Variants in WDR72 observed in about 807,000 individuals in gnomAD.
WDR72 encodes WD repeat-containing protein 72.
In WDR72, 120 loss-of-function variants were observed where a neutral mutation model predicts 124.2. The ratio of observed to expected loss-of-function variants is 0.97; its 90% CI spans 0.83 to 1.12. The LOEUF is 1.12. Ranked by LOEUF, WDR72 falls within the 50% of genes most tolerant of loss-of-function variation. The pLI, the probability that WDR72 is intolerant of heterozygous loss-of-function variation, is 0.00. For missense variants in WDR72, 1,387 were observed against 1,278.8 expected (o/e 1.08, Z -1.29); for synonymous variants, 452 against 441.7 (o/e 1.02, Z -0.29).
intron 19 of WDR72, among the ~76,000 whole-genome samples, chr15:53,522,625 TTC>T (rs1290877877): frequency 1.1e-4 from 17 of 152,196 alleles, no homozygotes; most frequent in African/African-American, 3.6e-4. Context: ...TCTAGTACAT[TTC>T]TCTTTTATTT....
intron 18 of WDR72, among the ~76,000 whole-genome samples, chr15:53,548,484 G>C (rs1476226805): frequency 6.6e-6 from 1 of 152,168 alleles, no homozygotes; most frequent in Non-Finnish European, 1.5e-5. Context: ...TGAGAAGAGA[G>C]AGTTAGTTGC....
At position 53,514,089 on chromosome 15, in the gene WDR72, T is replaced by A. The variant is rs769065653; in HGVS notation, c.*3610A>T. 1 of 152,222 alleles carries A rather than the reference T, an allele frequency of 6.6e-6. No individual in the cohort carries two copies. The highest frequency in any genetic ancestry group is 2.4e-5 in the African/African-American group (1 of 41,462). 9.4% of individuals were successfully genotyped at this position (152,222 alleles called of 1,614,324 possible). On this transcript the variant is annotated 3_prime_UTR_variant, in exon 20 of 20. Coordinates refer to ENST00000360509, the MANE Select transcript of WDR72 (RefSeq NM_182758.4). The stretch of plus-strand genomic sequence containing the variant: ...GCAGCTTTGTCTGAAAGATACCTAC[T>A]CAAGTAAGTTTTAATTTTGCAACTC...
intron 18 of WDR72, among the ~76,000 whole-genome samples, chr15:53,573,043 A>G (rs1894608869): frequency 6.6e-6 from 1 of 152,202 alleles, no homozygotes; most frequent in Admixed American, 6.5e-5. Flanking sequence ...TTCAGTCACA[A>G]GACTTCATTT....
intron 13 of WDR72, among the ~76,000 whole-genome samples, chr15:53,687,595 A>G (rs1372057971): frequency 1.3e-5 from 2 of 148,180 alleles, no homozygotes; most frequent in African/African-American, 5.0e-5. Flanking sequence ...AAAAGAGTCC[A>G]GGACCAGATG....
chr15:53,688,484 T>C (rs2140497551), intron 13 of WDR72, among the ~76,000 whole-genome samples: 1 of 151,696 alleles, frequency 6.6e-6, no homozygotes, highest in African/African-American at 2.4e-5. Flanking sequence ...GAGAATAAAA[T>C]ACCTAGGAAT....
chr15:53,723,518 A>G (rs1224793714), intron 2 of WDR72, among the ~76,000 whole-genome samples: 3 of 152,232 alleles, frequency 2.0e-5, no homozygotes, highest in Admixed American at 6.5e-5. Flanking sequence ...CATTATTCAC[A>G]GCAGCCAAAA....
intron 1 of WDR72, among the ~76,000 whole-genome samples, chr15:53,747,386 C>T (rs1297854036): frequency 2.6e-5 from 4 of 152,124 alleles, no homozygotes; most frequent in African/African-American, 7.2e-5. Flanking sequence ...CCAAGCTCCT[C>T]CAAAAATGTT....
intron 11 of WDR72, among the ~76,000 whole-genome samples, chr15:53,704,627 G>C (rs1015075981): frequency 1.3e-5 from 2 of 150,212 alleles, no homozygotes; most frequent in African/African-American, 4.9e-5. Context: ...CCAGGTTCAC[G>C]CCATTCTCCT....
At chr15:53,758,185 G>A (rs1028119197) in intron 1 of WDR72, among the ~76,000 whole-genome samples, 2 of 151,998 alleles carry the variant, frequency 1.3e-5, no homozygotes, top group Non-Finnish European at 2.9e-5. Flanking sequence ...GATTTTTGTA[G>A]AGATGAAGTT....
At chr15:53,675,476 A>G (rs2016138188) in intron 13 of WDR72, among the ~76,000 whole-genome samples, 1 of 152,240 alleles carries the variant, frequency 6.6e-6, no homozygotes, top group African/African-American at 2.4e-5. Flanking sequence ...TAAAGAATAC[A>G]TTTAATTAAT....
intron 18 of WDR72, among the ~76,000 whole-genome samples, chr15:53,576,379 C>T (rs1184003433): frequency 6.6e-6 from 1 of 152,064 alleles, no homozygotes; most frequent in African/African-American, 2.4e-5. Flanking sequence ...TAAGGATGTT[C>T]AGAAAAGAGA....
chr15:53,575,671 T>C (rs1045102183), intron 18 of WDR72, among the ~76,000 whole-genome samples: 1 of 152,156 alleles, frequency 6.6e-6, no homozygotes, highest in South Asian at 2.1e-4. Flanking sequence ...TGCATAGTTA[T>C]TAGAAAGATT....
intron 13 of WDR72, among the ~76,000 whole-genome samples, chr15:53,695,893 C>T (rs1199748726): frequency 6.6e-6 from 1 of 152,140 alleles, no homozygotes; most frequent in Non-Finnish European, 1.5e-5. Context: ...ACGCAAGAGG[C>T]CTCGCAAACT....
chr15:53,710,870 A>G lies in WDR72; in HGVS notation c.941T>C (p.Val314Ala), dbSNP rs201196697. The change falls in exon 9 of 20, where the codon GTG becomes GCG. Residue 314 changes from valine (V) to alanine (A), a missense_variant. Transcript: ENST00000360509. The part of the protein sequence containing the change: ...IYPHLLCSTS[V>A]QENKEQSRPF... Reference sequence around the variant, plus strand: ...TTCTTGCATTACCTTATTTTCCTGCACAGAAGTAGAGCACAGTAAATGAGG... The same window carrying G: ...TTCTTGCATTACCTTATTTTCCTGCGCAGAAGTAGAGCACAGTAAATGAGG... 4 of 1,612,952 alleles carry G rather than the reference A, an allele frequency of 2.5e-6. No individual in the cohort carries two copies. In the Admixed American group the frequency reaches 6.7e-5, roughly 27 times the overall value.
At chr15:53,703,878 G>T (rs558081034) in intron 11 of WDR72, among the ~76,000 whole-genome samples, 3 of 152,276 alleles carry the variant, frequency 2.0e-5, no homozygotes, top group Admixed American at 6.5e-5. Context: ...CTGGATGAAT[G>T]TTCATTGAGG....
At chr15:53,568,627 AT>A (rs1286264532) in intron 18 of WDR72, among the ~76,000 whole-genome samples, 3 of 151,768 alleles carry the variant, frequency 2.0e-5, no homozygotes, top group African/African-American at 7.2e-5. Flanking sequence ...CTAAGAATTT[AT>A]TTTTTTTGAA....
chr15:53,523,348 G>GAGAT (rs1472906964), intron 18 of WDR72, 26 bp from the exon 19 acceptor site: 2 of 1,605,148 alleles, frequency 1.2e-6, no homozygotes, highest in African/African-American at 1.3e-5. Flanking sequence ...GAGAGAGAGA[G>GAGAT]AGAGACAGAA....
intron 13 of WDR72, among the ~76,000 whole-genome samples, chr15:53,684,923 C>G (rs1352057877): frequency 1.3e-5 from 2 of 152,254 alleles, no homozygotes; most frequent in East Asian, 3.9e-4. Context: ...AGCAGCCTAA[C>G]TGGGAGGCAC....
intron 14 of WDR72, among the ~76,000 whole-genome samples, chr15:53,640,460 T>C (rs1005867168): frequency 2.0e-5 from 3 of 152,198 alleles, no homozygotes; most frequent in African/African-American, 7.2e-5. Context: ...ACATAAGTTA[T>C]CCTTACATAA....
Sources: gnomAD v4.1 joint callset for allele counts (sites outside exome capture counted in the v4.1 genomes callset) on GRCh38, gnomAD v4.1.1 for gene constraint, MANE v1.5 for transcripts, NCBI Gene and HGNC (gene_info 2026-07-23, HGNC 2026-07-21) for gene names.